PHLDB1: variants seen among roughly 807,000 people sequenced by gnomAD.
The protein encoded by PHLDB1 is pleckstrin homology-like domain family B member 1.
PHLDB1 carries 65 observed loss-of-function variants against 139.3 expected under a neutral mutation model. That is an observed-to-expected ratio of 0.47 (90% CI 0.38 to 0.57). PHLDB1 has a LOEUF of 0.57. Ranked by LOEUF, PHLDB1 falls within the 20% of genes least tolerant of loss-of-function variation. The probability of loss-of-function intolerance (pLI) is 0.00; values close to 1 mark genes in which losing one functional copy is unlikely to be tolerated. For synonymous variants in PHLDB1, 679 were observed against 734.5 expected (o/e 0.92, Z 1.22); for missense variants, 1,624 against 1,839.7 (o/e 0.88, Z 2.14).
In PHLDB1 at chr11:118,607,900, A is replaced by G. The variant is rs1240426467; in HGVS notation, c.-22+201A>G. Reference sequence around the variant, plus strand: ...GAGCGTTATGGGGAGTTTTCCTGTGAGCCTCTTGCTTTTGCCTTCCTCGGC... The same window carrying G: ...GAGCGTTATGGGGAGTTTTCCTGTGGGCCTCTTGCTTTTGCCTTCCTCGGC... On this transcript the variant is annotated intron_variant, in intron 1 of 22. Coordinates refer to ENST00000600882, the MANE Select transcript of PHLDB1 (RefSeq NM_001144758.3). 2.6e-5 allele frequency among the ~76,000 whole-genome samples: 4 copies of G among 152,066 alleles called. No homozygotes were observed. In the East Asian group the frequency reaches 5.8e-4, roughly 22 times the overall value.
rs1307528528 is a variant in PHLDB1 at position 118,610,880 on chromosome 11, T to C, written c.-21-2936T>C. On this transcript the variant is annotated intron_variant, in intron 1 of 22. Coordinates refer to ENST00000600882, the MANE Select transcript of PHLDB1 (RefSeq NM_001144758.3). The surrounding 1 kb of genome is among the most constrained non-coding windows in gnomAD (Gnocchi z 8.7). ...GGCCTTGCGCACAGAGGGCCTTGCC[T>C]GTCGCTCGTCAAATCCAGACACCTG... Among the ~76,000 whole-genome samples the C allele has an allele frequency of 2.0e-5, 3 of 152,200 alleles. No individual in the cohort carries two copies. The highest frequency in any genetic ancestry group is 4.4e-5 in the Non-Finnish European group (3 of 68,024).
At chr11:118,653,486 C>T (rs1425141978) in intron 20 of PHLDB1, 1 of 152,126 alleles carries the variant, frequency 6.6e-6, no homozygotes, top group Non-Finnish European at 1.5e-5. Flanking sequence ...AACAGTGCCA[C>T]GTTATGTGCC....
intron 12 of PHLDB1, 121 bp from the exon 13 acceptor site, chr11:118,642,133 C>A (rs782131422): frequency 2.8e-5 from 26 of 943,148 alleles, no homozygotes; most frequent in Non-Finnish European, 4.2e-5. Context: ...CCTTCCCCTT[C>A]CTTCTTCCTC....
At chr11:118,633,708 A>G (rs1033759207) in intron 9 of PHLDB1, 43 of 152,190 alleles carry the variant, frequency 2.8e-4, no homozygotes, top group African/African-American at 9.7e-4. Context: ...AACACAGGGT[A>G]TTTTAAAGGC....
At chr11:118,648,899 C>T (rs560335357) in intron 18 of PHLDB1, among the ~76,000 whole-genome samples, 5 of 152,270 alleles carry the variant, frequency 3.3e-5, no homozygotes, top group African/African-American at 1.2e-4. Context: ...TGGAATCTTT[C>T]CCAAGCAGTG....
intron 1 of PHLDB1, among the ~76,000 whole-genome samples, 181 bp downstream of exon 1, chr11:118,607,880 T>A (rs1555080183): frequency 6.6e-6 from 1 of 151,732 alleles, no homozygotes; most frequent in African/African-American, 2.4e-5. Flanking sequence ...GAAAGGAGCG[T>A]TATGGGGAGT....
rs782182118 is a variant in PHLDB1, at chr11:118,614,699, C to T, written c.184+17C>T. 5.6e-6 allele frequency: 9 copies of T among 1,612,330 alleles called. No individual in the cohort carries two copies. Among genetic ancestry groups the T allele is most frequent in the Non-Finnish European group, 7.6e-6 (9 of 1,178,978 alleles). On this transcript the variant is annotated intron_variant, in intron 3 of 22. Coordinates refer to ENST00000600882, the MANE Select transcript of PHLDB1 (RefSeq NM_001144758.3). ...TGGAGGAAGGTAAGTGTGAACAGGGCATCTCACTCACCACCCCTCTATCCT... is the reference window on the plus strand; with the variant it reads ...TGGAGGAAGGTAAGTGTGAACAGGGTATCTCACTCACCACCCCTCTATCCT...
chr11:118,623,249 A>G lies in PHLDB1; in HGVS notation c.356-1685A>G, dbSNP rs573627584. Among the ~76,000 whole-genome samples, 4 of 152,206 alleles carry G rather than the reference A, an allele frequency of 2.6e-5. No homozygotes were observed. The South Asian group carries it at 6.2e-4, about 24-fold the overall frequency. On this transcript the variant is annotated intron_variant, in intron 4 of 22. Coordinates refer to ENST00000600882, the MANE Select transcript of PHLDB1 (RefSeq NM_001144758.3). Reference sequence around the variant, plus strand: ...AGACAGGAGGCTGAGGCCGGGGGCCAGGGGTGTGGACAAATTGGAAGGATT... The same window carrying G: ...AGACAGGAGGCTGAGGCCGGGGGCCGGGGGTGTGGACAAATTGGAAGGATT...
chr11:118,619,580 C>T (rs1942346496), intron 4 of PHLDB1, among the ~76,000 whole-genome samples: 1 of 152,234 alleles, frequency 6.6e-6, no homozygotes, highest in African/African-American at 2.4e-5. Flanking sequence ...CCCTATTTCT[C>T]ATTGGCGGGC....
chr11:118,618,190 C>T (rs1385708882), intron 4 of PHLDB1, among the ~76,000 whole-genome samples: 1 of 152,150 alleles, frequency 6.6e-6, no homozygotes, highest in Non-Finnish European at 1.5e-5. Context: ...TGACCCTAAA[C>T]CCCTTCCCAT....
At chr11:118,618,531 G>A (rs1179421891) in intron 4 of PHLDB1, among the ~76,000 whole-genome samples, 2 of 151,992 alleles carry the variant, frequency 1.3e-5, no homozygotes, top group African/African-American at 4.8e-5. Flanking sequence ...CTGGGCTTAC[G>A]AATCCTGTGT....
chr11:118,645,336 C>G lies in PHLDB1; in HGVS notation c.3122-20C>G, dbSNP rs1555126122. 28 of 1,506,454 alleles carry G rather than the reference C, an allele frequency of 1.9e-5. No individual in the cohort carries two copies. Among genetic ancestry groups the G allele is most frequent in the Non-Finnish European group, 2.4e-5 (27 of 1,127,742 alleles). The allele number at this position is 1,506,454 out of a possible 1,614,324, so 93.3% of individuals were successfully genotyped here. A position where few individuals can be genotyped will look rare whatever the true frequency, so the allele number is the denominator to read the frequency against. ...GCTGCGTGGGGAGCCCACTGTGACT[C>G]CCATCTGTCTCTCCTTCAGGACAAC... On this transcript the variant is annotated intron_variant, in intron 15 of 22. Transcript: ENST00000600882. The surrounding 1 kb of genome is among the most constrained non-coding windows in gnomAD (Gnocchi z 5.1).
At chr11:118,655,325 CAA>C (rs1347527965) in intron 20 of PHLDB1, 1 of 280,444 alleles carries the variant, frequency 3.6e-6, no homozygotes, top group African/African-American at 2.2e-5. Flanking sequence ...ATAGACTTGC[CAA>C]AAGTGTGCTG....
intron 12 of PHLDB1, chr11:118,639,484 TG>T (rs1555118532): frequency 2.0e-6 from 1 of 499,860 alleles, no homozygotes; most frequent in Non-Finnish European, 3.6e-6. Context: ...TCACTGTTTT[TG>T]GTGGCTGAAT....
At chr11:118,623,690 C>A (rs1170868195) in intron 4 of PHLDB1, among the ~76,000 whole-genome samples, 8 of 151,946 alleles carry the variant, frequency 5.3e-5, no homozygotes, top group African/African-American at 1.5e-4. Context: ...AATTCAGGAC[C>A]CCCCCGGTTC....
In PHLDB1 at chr11:118,625,004, A is replaced by C; in HGVS notation, c.426A>C (p.Lys142Asn). ...ACCCGGCTGAAGCCAAGTGGATGAA[A>C]AGCATGATTCCAGCAGGGGGCCGAG... is the stretch of plus-strand genomic sequence containing the variant. ...FNHPAEAKWM[K>N]SMIPAGGRAP... Residue 142 changes from lysine (K) to asparagine (N), a missense_variant, in exon 5 of 23, where the codon AAA becomes AAC. Transcript: ENST00000600882. 3 of 1,613,936 alleles carry C rather than the reference A, an allele frequency of 1.9e-6. No individual in the cohort carries two copies. Among genetic ancestry groups the C allele is most frequent in the African/African-American group, 1.3e-5 (1 of 75,014 alleles).
chr11:118,648,569 A>G (rs1947913280), intron 18 of PHLDB1, among the ~76,000 whole-genome samples: 1 of 151,998 alleles, frequency 6.6e-6, no homozygotes, highest in Non-Finnish European at 1.5e-5. Flanking sequence ...CCCACACCCC[A>G]CAGGACCTTT....
intron 1 of PHLDB1, chr11:118,613,370 G>C (rs1016949033): frequency 2.0e-6 from 2 of 988,394 alleles, no homozygotes; most frequent in Non-Finnish European, 1.2e-6. Flanking sequence ...GGGAGCTCCT[G>C]TTTTAGCCCT....
chr11:118,613,177 A>AT (rs1304715976), intron 1 of PHLDB1: 6 of 524,124 alleles, frequency 1.1e-5, no homozygotes, highest in Middle Eastern at 9.5e-4. Flanking sequence ...ATTAAAAAAA[A>AT]TTTTTTTAGC....
Sources: gnomAD v4.1 joint callset for allele counts (sites outside exome capture counted in the v4.1 genomes callset) on GRCh38, gnomAD v4.1.1 for gene constraint, Gnocchi (gnomAD v3.1) non-coding constraint, MANE v1.5 for transcripts, NCBI Gene and HGNC (gene_info 2026-07-23, HGNC 2026-07-21) for gene names.